The following PNPLA3 variants were observed in gnomAD, a reference collection of about 807,000 sequenced individuals.
The protein encoded by PNPLA3 is 1-acylglycerol-3-phosphate O-acyltransferase PNPLA3.
A neutral mutation model predicts 43.1 loss-of-function variants in PNPLA3; 42 were observed. That is an observed-to-expected ratio of 0.97 (90% CI 0.76 to 1.26). The LOEUF (loss-of-function observed/expected upper bound fraction) is 1.26. Among genes scored for constraint, PNPLA3 ranks in the 50% most tolerant of loss-of-function variants. PNPLA3 has a pLI of 0.00. For synonymous variants in PNPLA3, 272 were observed against 253.6 expected (o/e 1.07, Z -0.69); for missense variants, 647 against 621.4 (o/e 1.04, Z -0.44).
At chr22:43,936,314 G>A (rs1389924956) in intron 5 of PNPLA3, among the ~76,000 whole-genome samples, 1 of 152,172 alleles carries the variant, frequency 6.6e-6, no homozygotes, top group Admixed American at 6.5e-5. Flanking sequence ...ATCTTGGGGG[G>A]CAAGGCTCAG....
Position 43,946,931 on chromosome 22 carries a change from T to A in PNPLA3, c.*549T>A. 1 of 317,926 alleles carries A rather than the reference T, an allele frequency of 3.1e-6. No individual in the cohort carries two copies. The highest frequency in any genetic ancestry group is 2.6e-5 in the South Asian group (1 of 38,830). 19.7% of individuals were successfully genotyped at this position (317,926 alleles called of 1,614,324 possible). On this transcript the variant is annotated 3_prime_UTR_variant, in exon 9 of 9. Coordinates refer to ENST00000216180, the MANE Select transcript of PNPLA3 (RefSeq NM_025225.3). ...GGGGGTAACAAGATGATAATCTACT[T>A]AATTTTAGAACACCTTTTTCACCTA...
At position 43,940,119 on chromosome 22, in the gene PNPLA3, T is replaced by A; in HGVS notation, c.1106T>A (p.Val369Asp). ...TLPVESAIAI[V>D]QRLVTWLPDM... The stretch of plus-strand genomic sequence containing the variant: ...CCTGTGGAATCTGCCATTGCGATTG[T>A]CCAGAGGTGAGCATTTTAGGTGGCT... Residue 369 changes from valine (V) to aspartate (D), a missense_variant, in exon 7 of 9, where the codon GTC (valine) becomes GAC (aspartate). By Grantham distance (152) the Val-to-Asp change is radical. Coordinates refer to ENST00000216180, the MANE Select transcript of PNPLA3 (RefSeq NM_025225.3). 6.2e-7 allele frequency: 1 copy of A among 1,614,094 alleles called. No individual in the cohort carries two copies. The highest frequency in any genetic ancestry group is 8.5e-7 in the Non-Finnish European group (1 of 1,179,960).
intron 8 of PNPLA3, 93 bp downstream of exon 8, chr22:43,944,888 AC>A (rs768843886): frequency 1.8e-5 from 20 of 1,135,136 alleles, no homozygotes; most frequent in Non-Finnish European, 2.6e-5. Context: ...CTGGCTGAAC[AC>A]CAAGCAAGGA....
chr22:43,928,638 G>A (rs149670061), intron 2 of PNPLA3, among the ~76,000 whole-genome samples, 186 bp from the exon 3 acceptor site: 291 of 150,768 alleles, frequency 1.9e-3, no homozygotes, highest in African/African-American at 6.7e-3. Flanking sequence ...CAATAGATGA[G>A]ACCCATGGGC....
At chr22:43,932,224 A>G (rs1412920348) in intron 3 of PNPLA3, among the ~76,000 whole-genome samples, 1 of 152,324 alleles carries the variant, frequency 6.6e-6, no homozygotes, top group Admixed American at 6.5e-5. Context: ...AAGGATATAG[A>G]TGAAGGAAAA....
At chr22:43,935,430 C>T (rs1333093491) in intron 5 of PNPLA3, among the ~76,000 whole-genome samples, 5 of 151,920 alleles carry the variant, frequency 3.3e-5, no homozygotes, top group African/African-American at 9.7e-5. Context: ...GATGCTGTGT[C>T]GATGGGAAAG....
chr22:43,936,409 C>G (rs184237243), intron 5 of PNPLA3, among the ~76,000 whole-genome samples: 17 of 152,218 alleles, frequency 1.1e-4, no homozygotes, highest in African/African-American at 3.9e-4. Context: ...TCTGAAGTCC[C>G]CCTCCCCCAG....
intron 3 of PNPLA3, among the ~76,000 whole-genome samples, chr22:43,929,994 A>C: frequency 6.6e-6 from 1 of 152,124 alleles, no homozygotes; most frequent in East Asian, 1.9e-4. Flanking sequence ...GATGCACAGG[A>C]GGAAGTTTAG....
intron 5 of PNPLA3, 83 bp downstream of exon 5, chr22:43,934,749 A>G (rs1223215376): frequency 1.5e-6 from 2 of 1,343,580 alleles, no homozygotes; most frequent in Non-Finnish European, 2.1e-6. Flanking sequence ...GATTTGCCTT[A>G]GTTCTAACAC....
intron 1 of PNPLA3, among the ~76,000 whole-genome samples, chr22:43,926,115 C>T (rs903201153): frequency 1.3e-5 from 2 of 152,234 alleles, no homozygotes; most frequent in Non-Finnish European, 2.9e-5. Context: ...AGGCTGCATC[C>T]TGGACACAGC....
rs369199264 is a variant in PNPLA3 at position 43,932,911 on chromosome 22, C to T, written c.520C>T (p.Pro174Ser). Residue 174 changes from proline (P) to serine (S), a missense_variant, in exon 4 of 9, where the codon CCC (proline) becomes TCC (serine). Coordinates refer to ENST00000216180, the MANE Select transcript of PNPLA3 (RefSeq NM_025225.3). ...GGATGGAGGAGTGAGTGACAACGTA[C>T]CCTTCATTGATGCCAAAACAACCAT... is the stretch of plus-strand genomic sequence containing the variant. The part of the protein sequence containing the change: ...YVDGGVSDNV[P>S]FIDAKTTITV... The T allele has an allele frequency of 2.2e-5, 36 of 1,614,062 alleles. No individual in the cohort carries two copies. The highest frequency in any genetic ancestry group is 2.9e-5 in the Non-Finnish European group (34 of 1,180,040).
intron 3 of PNPLA3, among the ~76,000 whole-genome samples, chr22:43,932,073 A>G (rs2146780233): frequency 6.6e-6 from 1 of 152,204 alleles, no homozygotes; most frequent in Non-Finnish European, 1.5e-5. Flanking sequence ...CTCTGTGGGT[A>G]TCTGATGGCT....
intron 3 of PNPLA3, among the ~76,000 whole-genome samples, chr22:43,930,986 G>C (rs929480074): frequency 2.6e-5 from 4 of 152,136 alleles, no homozygotes; most frequent in African/African-American, 9.7e-5. Context: ...AATTAGCTGG[G>C]CGTGGTGGCG....
chr22:43,943,319 A>T (rs2050043085), intron 7 of PNPLA3, among the ~76,000 whole-genome samples: 2 of 152,134 alleles, frequency 1.3e-5, no homozygotes, highest in Admixed American at 6.5e-5. Context: ...ATAGCAACAG[A>T]GGACTTGGAG....
rs1603416366 is a variant in PNPLA3 at position 43,932,916 on chromosome 22, C to T, written c.525C>T (p.Phe175=). The change falls in exon 4 of 9, where the codon TTC becomes TTT. Residue 175 remains phenylalanine (F), a synonymous_variant. Coordinates refer to ENST00000216180, the MANE Select transcript of PNPLA3 (RefSeq NM_025225.3). ...VDGGVSDNVP[F]IDAKTTITVS... ...GAGGAGTGAGTGACAACGTACCCTT[C>T]ATTGATGCCAAAACAACCATCACCG... The T allele has an allele frequency of 6.2e-7, 1 of 1,614,244 alleles. No individual in the cohort carries two copies. The highest frequency in any genetic ancestry group is 8.5e-7 in the Non-Finnish European group (1 of 1,180,044).
chr22:43,934,913 A>C (rs1268253027), intron 5 of PNPLA3, among the ~76,000 whole-genome samples: 1 of 152,020 alleles, frequency 6.6e-6, no homozygotes, highest in Non-Finnish European at 1.5e-5. Flanking sequence ...CGAGATTTGA[A>C]CTGGGATGTC....
At chr22:43,945,988 T>C (rs2050060423) in intron 8 of PNPLA3, among the ~76,000 whole-genome samples, 166 bp from the exon 9 acceptor site, 1 of 152,112 alleles carries the variant, frequency 6.6e-6, no homozygotes, top group Non-Finnish European at 1.5e-5. Flanking sequence ...GGTGGTGACA[T>C]CAGCCCAGCA....
rs34179073 is a variant in PNPLA3 at position 43,932,952 on chromosome 22, C to T, written c.561C>T (p.Phe187=). The stretch of plus-strand genomic sequence containing the variant: ...AAACAACCATCACCGTGTCCCCCTT[C>T]TATGGGGAGTACGACATCTGCCCTA... The part of the protein sequence containing the change: ...DAKTTITVSP[F]YGEYDICPKV... The change falls in exon 4 of 9, where the codon TTC becomes TTT. Residue 187 remains phenylalanine (F), a synonymous_variant. Transcript: ENST00000216180. 137,934 of 1,614,066 alleles carry T rather than the reference C, an allele frequency of 0.085. 6,575 individuals carry two copies. Among genetic ancestry groups the T allele is most frequent in the Non-Finnish European group, 0.1 (117,501 of 1,179,918 alleles).
At chr22:43,941,618 T>C (rs1358232821) in intron 7 of PNPLA3, among the ~76,000 whole-genome samples, 1 of 152,066 alleles carries the variant, frequency 6.6e-6, no homozygotes, top group African/African-American at 2.4e-5. Context: ...ATGATGATCG[T>C]AAAATTAGAG....
Sources: allele counts gnomAD v4.1 joint callset (sites outside exome capture counted in the v4.1 genomes callset), GRCh38; gene constraint gnomAD v4.1.1; transcripts MANE v1.5; gene names NCBI Gene and HGNC (gene_info 2026-07-23, HGNC 2026-07-21).